The following SMC1A variants were observed in gnomAD, a reference collection of about 807,000 sequenced individuals.
The protein encoded by SMC1A is structural maintenance of chromosomes 1A, also known as structural maintenance of chromosomes protein 1A.
Under a neutral mutation model 94.5 loss-of-function variants are expected in SMC1A, and 4 were observed. That is an observed-to-expected ratio of 0.04 (90% confidence interval 0.02 to 0.10). SMC1A has a LOEUF of 0.10. SMC1A is among the 10% of genes least tolerant of loss of function. SMC1A has a pLI of 1.00. For synonymous variants in SMC1A, 345 were observed against 347.7 expected, an observed-to-expected ratio of 0.99 and a Z score of 0.09; for missense variants, 304 against 989.0, an observed-to-expected ratio of 0.31 and a Z score of 9.29.
At chrX:53,401,032 T>C (rs1478536498) in intron 15 of SMC1A, among the ~76,000 whole-genome samples, 1 of 111,068 alleles carries the variant, frequency 9.0e-6, no homozygotes, top group Non-Finnish European at 1.9e-5. Flanking sequence ...CAAGGCATGC[T>C]CTCTCACACT....
intron 9 of SMC1A, among the ~76,000 whole-genome samples, chrX:53,406,494 G>C (rs1012986783): frequency 2.7e-4 from 30 of 112,013 alleles, no homozygotes; most frequent in South Asian, 1.9e-3. Context: ...AGATGATATT[G>C]TCTCTTAGCA....
chrX:53,390,039 C>T (rs1436296671), intron 19 of SMC1A, among the ~76,000 whole-genome samples: 4 of 104,605 alleles, frequency 3.8e-5, no homozygotes, highest in Admixed American at 1.0e-4. Flanking sequence ...TTAGTAGAGA[C>T]GGGGTTTCAC....
intron 19 of SMC1A, among the ~76,000 whole-genome samples, chrX:53,391,935 C>T (rs2075631027): frequency 9.1e-6 from 1 of 110,485 alleles, no homozygotes; most frequent in Admixed American, 9.7e-5. Context: ...AGTAGTAACC[C>T]CCCTACCCCA....
intron 1 of SMC1A, among the ~76,000 whole-genome samples, chrX:53,417,273 G>T (rs1351290737): frequency 1.8e-5 from 2 of 110,603 alleles, no homozygotes; most frequent in African/African-American, 6.6e-5. Flanking sequence ...AGGGTGAGCC[G>T]GGCACGGTGG....
intron 1 of SMC1A, among the ~76,000 whole-genome samples, chrX:53,418,802 A>G (rs2075742353): frequency 9.0e-6 from 1 of 111,478 alleles, no homozygotes; most frequent in South Asian, 3.7e-4. Context: ...CAGCACTTTG[A>G]AAGGCCGAGG....
intron 9 of SMC1A, among the ~76,000 whole-genome samples, chrX:53,407,093 ACCCGTGAGTT>A (rs1556889849): frequency 2.4e-4 from 27 of 112,263 alleles, no homozygotes. Flanking sequence ...TTAGTCTTCT[ACCCGTGAGTT>A]CCTGACACAC....
At chrX:53,409,962 T>G in intron 7 of SMC1A, among the ~76,000 whole-genome samples, 1 of 112,207 alleles carries the variant, frequency 8.9e-6, no homozygotes, top group Non-Finnish European at 1.9e-5. Flanking sequence ...ACTGTGTTGC[T>G]CAGGCTGATC....
intron 13 of SMC1A, among the ~76,000 whole-genome samples, chrX:53,404,319 C>G (rs1408596289): frequency 9.4e-6 from 1 of 106,619 alleles, no homozygotes; most frequent in Admixed American, 1.0e-4. Context: ...AACAGTCCCC[C>G]CCCGCCCCGC....
intron 9 of SMC1A, among the ~76,000 whole-genome samples, chrX:53,407,950 C>T (rs1188800029): frequency 8.9e-6 from 1 of 111,995 alleles, no homozygotes; most frequent in African/African-American, 3.2e-5. Flanking sequence ...CTAAACCTCA[C>T]ATCTACCATT....
In SMC1A at chrX:53,378,169, A is replaced by G. The variant is rs1311438037; in HGVS notation, c.*1934T>C. 1.8e-5 allele frequency: 2 copies of G among 111,709 alleles called. No individual in the cohort carries two copies. The highest frequency in any genetic ancestry group is 3.8e-5 in the Non-Finnish European group (2 of 53,156). The allele number at this position is 111,709 out of a possible 1,213,427, so 9.2% of individuals were successfully genotyped here. On this transcript the variant is annotated 3_prime_UTR_variant, in exon 25 of 25. Coordinates refer to ENST00000322213, the MANE Select transcript of SMC1A (RefSeq NM_006306.4). Reference sequence around the variant, plus strand: ...GGGCAATTTGGAAGTATTATTAAAAACCAATATATAAATATCCTATGACTT... The same window carrying G: ...GGGCAATTTGGAAGTATTATTAAAAGCCAATATATAAATATCCTATGACTT...
In SMC1A at chrX:53,387,651, T is replaced by C. The variant is rs782459711; in HGVS notation, c.2974-4398A>G. Among the ~76,000 whole-genome samples, 22 of 111,273 alleles carry C rather than the reference T, an allele frequency of 2.0e-4. No individual in the cohort carries two copies. The South Asian group carries it at 5.7e-3, about 29-fold the overall frequency. ...AGGAAGTCAGAGCTTCCTGGAGAAA[T>C]AGTGGATTCCAGGTCTGGGTGGAAA... On this transcript the variant is annotated intron_variant, in intron 19 of 24. Transcript: ENST00000322213.
intron 1 of SMC1A, among the ~76,000 whole-genome samples, chrX:53,421,503 G>A (rs1556892035): frequency 8.9e-6 from 1 of 111,921 alleles, no homozygotes; most frequent in Non-Finnish European, 1.9e-5. Context: ...TCTCTGGGGT[G>A]GAAGAATACA....
Position 53,394,761 on chromosome X carries a change from C to CCT in SMC1A, c.2973+16_2973+17insAG. The CCT allele has an allele frequency of 1.1e-6, 1 of 903,452 alleles. No individual in the cohort carries two copies. Among genetic ancestry groups the CCT allele is most frequent in the South Asian group, 2.0e-5 (1 of 50,037 alleles). The allele number at this position is 903,452 out of a possible 1,213,427, so 74.5% of individuals were successfully genotyped here. ...CCCAACCCCCACCCCCACCACACCCCTGTGGTTGATCCTCACCTTCAGATC... is the reference window on the plus strand; with the variant it reads ...CCCAACCCCCACCCCCACCACACCCCCTTGTGGTTGATCCTCACCTTCAGATC... On this transcript the variant is annotated intron_variant, in intron 19 of 24. Coordinates refer to ENST00000322213, the MANE Select transcript of SMC1A (RefSeq NM_006306.4).
At chrX:53,397,707 C>A in intron 16 of SMC1A, among the ~76,000 whole-genome samples, 1 of 111,690 alleles carries the variant, frequency 9.0e-6, no homozygotes, top group Non-Finnish European at 1.9e-5. Context: ...TGTTGATGAC[C>A]GATGAATCTT....
chrX:53,411,711 T>C (rs782344258), intron 7 of SMC1A, 50 bp downstream of exon 7: 62 of 1,176,252 alleles, frequency 5.3e-5, no homozygotes, highest in Non-Finnish European at 7.1e-5. Context: ...TCAACCTATA[T>C]ATATCCTTTT....
chrX:53,407,158 G>T (rs2146600901), intron 9 of SMC1A, among the ~76,000 whole-genome samples: 1 of 112,160 alleles, frequency 8.9e-6, no homozygotes, highest in South Asian at 3.7e-4. Context: ...AGTGTCTTTT[G>T]TATGTTAATG....
At chrX:53,409,645 T>TA (rs782154761) in intron 7 of SMC1A, 142 bp from the exon 8 acceptor site, 20 of 520,581 alleles carry the variant, frequency 3.8e-5, no homozygotes, top group African/African-American at 7.0e-5. Context: ...GGAGGCCTAC[T>TA]AAAAAGCAGA....
chrX:53,394,905 G>C lies in SMC1A; in HGVS notation c.2863-17C>G, dbSNP rs782519232. 6.1e-6 allele frequency: 6 copies of C among 989,734 alleles called. No homozygotes were observed. In the Admixed American group the frequency reaches 1.1e-4, roughly 18 times the overall value. 81.6% of individuals were successfully genotyped at this position (989,734 alleles called of 1,213,427 possible). On this transcript the variant is annotated splice_polypyrimidine_tract_variant and intron_variant, in intron 18 of 24. Transcript: ENST00000322213. The stretch of plus-strand genomic sequence containing the variant: ...GGAGCTACCCTGCAATGGCAACGGA[G>C]AGTCAAGTGGAGCAGACTGGCCATG...
At chrX:53,416,672 G>A (rs782608391) in intron 1 of SMC1A, among the ~76,000 whole-genome samples, 4 of 110,874 alleles carry the variant, frequency 3.6e-5, no homozygotes, top group Non-Finnish European at 7.6e-5. Flanking sequence ...TTACAGGCAT[G>A]AGCCACCACG....
Sources: gnomAD v4.1 joint callset for allele counts (sites outside exome capture counted in the v4.1 genomes callset) on GRCh38, gnomAD v4.1.1 for gene constraint, MANE v1.5 for transcripts, NCBI Gene and HGNC (gene_info 2026-07-23, HGNC 2026-07-21) for gene names.